The following XPO6 variants were observed in gnomAD, a reference collection of about 807,000 sequenced individuals.
The protein encoded by XPO6 is exportin-6.
Under a neutral mutation model 130.0 loss-of-function variants are expected in XPO6, and 3 were observed. The observed-to-expected ratio is 0.02, with a 90% CI of 0.01 to 0.06. The LOEUF (loss-of-function observed/expected upper bound fraction) is 0.06, where lower values mean the gene tolerates loss of function less well. XPO6 is among the 10% of genes least tolerant of loss of function. The probability of loss-of-function intolerance (pLI) is 1.00; values close to 1 mark genes in which losing one functional copy is unlikely to be tolerated. For synonymous variants in XPO6, 524 were observed against 548.9 expected (o/e 0.95, Z 0.63); for missense variants, 970 against 1,393.0 (o/e 0.70, Z 4.83).
intron 17 of XPO6, among the ~76,000 whole-genome samples, chr16:28,109,246 T>C (rs1226183786): frequency 6.6e-6 from 1 of 151,982 alleles, no homozygotes; most frequent in East Asian, 1.9e-4. Flanking sequence ...GGTGGGTAAC[T>C]GTTATACTTC....
At chr16:28,208,921 A>T (rs2044078719) in intron 1 of XPO6, 1 of 152,258 alleles carries the variant, frequency 6.6e-6, no homozygotes, top group Admixed American at 6.5e-5. Flanking sequence ...CAATAGCCAA[A>T]GGGTGGAAGC....
In XPO6 at chr16:28,103,676, CA is replaced by C. The variant is rs927867957; in HGVS notation, c.2946+869del. ...GTTCAAGAGAAAGGCAGGGGAGGCG[CA>C]AACACTTGAGTACTGCAGACCTGAG... On this transcript the variant is annotated intron_variant, in intron 21 of 23. Transcript: ENST00000304658. Among the ~76,000 whole-genome samples the C allele has an allele frequency of 2.5e-4, 38 of 152,060 alleles. 2 individuals carry two copies.
At chr16:28,104,106 T>C (rs1380481720) in intron 21 of XPO6, among the ~76,000 whole-genome samples, 2 of 152,186 alleles carry the variant, frequency 1.3e-5, no homozygotes, top group Non-Finnish European at 2.9e-5. Flanking sequence ...TGAAAGCGAA[T>C]GCTCCCTCCC....
chr16:28,198,883 C>A (rs1206938448), intron 1 of XPO6, among the ~76,000 whole-genome samples: 1 of 152,148 alleles, frequency 6.6e-6, no homozygotes, highest in African/African-American at 2.4e-5. Context: ...GTGGCTCACA[C>A]ATGTAATCCC....
intron 7 of XPO6, chr16:28,154,574 A>T (rs2043152868): frequency 6.6e-6 from 1 of 152,498 alleles, no homozygotes; most frequent in Admixed American, 6.5e-5. Context: ...AGCACACAGC[A>T]TTATTTATGT....
intron 1 of XPO6, among the ~76,000 whole-genome samples, chr16:28,192,236 C>G (rs949943108): frequency 6.9e-6 from 1 of 145,516 alleles, no homozygotes; most frequent in Non-Finnish European, 1.5e-5. Context: ...GCACTCCAGC[C>G]TGGGTGACAG....
At position 28,166,773 on chromosome 16, in the gene XPO6, T is replaced by C. The variant is rs187059241; in HGVS notation, c.566-188A>G. On this transcript the variant is annotated intron_variant, in intron 5 of 23. Coordinates refer to ENST00000304658, the MANE Select transcript of XPO6 (RefSeq NM_015171.4). ...CAGCTATCTTCTGGCTCTCCACTGC[T>C]TCACTGTGGCCTTGTGGTGTGGCCT... 255 of 985,446 alleles carry C rather than the reference T, an allele frequency of 2.6e-4. No individual in the cohort carries two copies. In the African/African-American group the frequency reaches 4.2e-3, roughly 16 times the overall value. The allele number at this position is 985,446 out of a possible 1,614,324, so 61.0% of individuals were successfully genotyped here.
At chr16:28,198,330 A>T (rs1567650390) in intron 1 of XPO6, among the ~76,000 whole-genome samples, 1 of 150,940 alleles carries the variant, frequency 6.6e-6, no homozygotes, top group African/African-American at 2.4e-5. Context: ...AATGGTGGTA[A>T]TTTTTTTTTT....
intron 12 of XPO6, among the ~76,000 whole-genome samples, chr16:28,131,532 GT>G (rs2042669273): frequency 6.6e-6 from 1 of 152,324 alleles, no homozygotes; most frequent in Admixed American, 6.5e-5. Context: ...AGTTACTGGT[GT>G]TTTCAGTTGA....
chr16:28,110,046 AT>A (rs3214135), intron 17 of XPO6, among the ~76,000 whole-genome samples: 8,876 of 150,190 alleles, frequency 0.059, 646 homozygotes, highest in East Asian at 0.17. Context: ...TAGGTTTGGA[AT>A]TTTTTTTTTT....
In XPO6 at chr16:28,101,351, C is replaced by T. The variant is rs138715744; in HGVS notation, c.3276+107G>A. 1,132 of 995,198 alleles carry T rather than the reference C, an allele frequency of 1.1e-3. 11 individuals are homozygous for T. The African/African-American group carries it at 0.016, about 14-fold the overall frequency. The allele number at this position is 995,198 out of a possible 1,614,324, so 61.6% of individuals were successfully genotyped here. A position where few individuals can be genotyped will look rare whatever the true frequency, so the allele number is the denominator to read the frequency against. ...AGCTGCCGCCAAGCTGCAGGGTGGG[C>T]ACAGACCACGCCCAGAGGCCTCAAT... On this transcript the variant is annotated intron_variant, in intron 23 of 23. Coordinates refer to ENST00000304658, the MANE Select transcript of XPO6 (RefSeq NM_015171.4). This position sits in a 1 kb window ranked among gnomAD's most constrained non-coding sequence, Gnocchi z 5.4.
chr16:28,124,161 G>A (rs1453716774), intron 13 of XPO6, among the ~76,000 whole-genome samples: 1 of 151,472 alleles, frequency 6.6e-6, no homozygotes, highest in Non-Finnish European at 1.5e-5. Context: ...AGGTTCAAGC[G>A]ATTCTCCTGT....
At chr16:28,198,883 C>T (rs1206938448) in intron 1 of XPO6, among the ~76,000 whole-genome samples, 1 of 152,146 alleles carries the variant, frequency 6.6e-6, no homozygotes. Context: ...GTGGCTCACA[C>T]ATGTAATCCC....
At chr16:28,211,147 C>T (rs1160557336) in intron 1 of XPO6, among the ~76,000 whole-genome samples, 1 of 152,216 alleles carries the variant, frequency 6.6e-6, no homozygotes, top group Non-Finnish European at 1.5e-5. Flanking sequence ...GTTGTGCCTG[C>T]TGCGCTCCCA....
chr16:28,192,344 G>A (rs1346027490), intron 1 of XPO6, among the ~76,000 whole-genome samples: 1 of 151,982 alleles, frequency 6.6e-6, no homozygotes, highest in Admixed American at 6.6e-5. Flanking sequence ...TGGGAACTGG[G>A]GTAGCATAAT....
Position 28,177,298 on chromosome 16 carries a change from T to C in XPO6, c.129A>G (p.Gly43=). ...ELLNNFAQQI[G]AWRFCLYFLS... is the part of the protein sequence containing the mutation. ...GAAAGTACAGGCAGAATCTCCAGGCTCCTATTTGCTGGGCAAAGTTATTAA... is the reference window on the plus strand; with the variant it reads ...GAAAGTACAGGCAGAATCTCCAGGCCCCTATTTGCTGGGCAAAGTTATTAA... The change falls in exon 3 of 24, where the codon GGA becomes GGG. Residue 43 remains glycine, a synonymous_variant. Coordinates refer to ENST00000304658, the MANE Select transcript of XPO6 (RefSeq NM_015171.4). 2 of 1,613,054 alleles carry C rather than the reference T, an allele frequency of 1.2e-6. No individual in the cohort carries two copies. The highest frequency in any genetic ancestry group is 1.7e-6 in the Non-Finnish European group (2 of 1,179,572).
chr16:28,125,956 A>T (rs2087392767), intron 12 of XPO6, 108 bp from the exon 13 acceptor site: 1 of 1,440,334 alleles, frequency 6.9e-7, no homozygotes, highest in Non-Finnish European at 9.4e-7. Context: ...CAGCAAAACC[A>T]ATTCGCGAAA....
At chr16:28,162,689 A>G (rs1285499540) in intron 6 of XPO6, among the ~76,000 whole-genome samples, 1 of 151,702 alleles carries the variant, frequency 6.6e-6, no homozygotes, top group Admixed American at 6.6e-5. Flanking sequence ...AACCCTCCCA[A>G]GTAGCTGGGA....
chr16:28,106,546 C>T lies in XPO6; in HGVS notation c.2498-49G>A, dbSNP rs770912472. 20 of 1,492,482 alleles carry T rather than the reference C, an allele frequency of 1.3e-5. No individual in the cohort carries two copies. The highest frequency in any genetic ancestry group is 1.7e-5 in the Non-Finnish European group (18 of 1,072,970). The allele number at this position is 1,492,482 out of a possible 1,614,324, so 92.5% of individuals were successfully genotyped here. On this transcript the variant is annotated intron_variant, in intron 18 of 23. Transcript: ENST00000304658. The surrounding 1 kb of genome is among the most constrained non-coding windows in gnomAD (Gnocchi z 4.2). ...GTCAGAGGCTTGCACACAGTGAGAA[C>T]CAGAACCCTGGGCTTCATCAACCTA...
Sources: gnomAD v4.1 joint callset for allele counts (sites outside exome capture counted in the v4.1 genomes callset) on GRCh38, gnomAD v4.1.1 for gene constraint, Gnocchi (gnomAD v3.1) non-coding constraint, MANE v1.5 for transcripts, NCBI Gene and HGNC (gene_info 2026-07-23, HGNC 2026-07-21) for gene names.